ADGRE3: variants seen among roughly 807,000 people sequenced by gnomAD.
ADGRE3 encodes the protein EGF-like module receptor 3.
In ADGRE3, 88 loss-of-function variants were observed where a neutral mutation model predicts 80.1. The ratio of observed to expected loss-of-function variants is 1.10; its 90% CI spans 0.93 to 1.31. ADGRE3 has a LOEUF of 1.31. ADGRE3 is among the 40% of genes most tolerant of loss of function. The pLI is 0.00. For synonymous variants in ADGRE3, 281 were observed against 294.8 expected (o/e 0.95, Z 0.48); for missense variants, 715 against 776.5 (o/e 0.92, Z 0.94).
downstream of ADGRE3, among the ~76,000 whole-genome samples, chr19:14,616,863 C>T (rs188706819): frequency 6.7e-5 from 10 of 149,314 alleles, no homozygotes; most frequent in East Asian, 4.0e-4. Flanking sequence ...GGCGCAATCT[C>T]GGCTCACCGC....
chr19:14,651,899 G>A (rs922685278), intron 6 of ADGRE3, among the ~76,000 whole-genome samples: 4 of 151,966 alleles, frequency 2.6e-5, no homozygotes, highest in Non-Finnish European at 5.9e-5. Flanking sequence ...AAAATTATCT[G>A]GGCATGGTGG....
chr19:14,642,126 G>T (rs767432910), intron 9 of ADGRE3, among the ~76,000 whole-genome samples: 5 of 152,152 alleles, frequency 3.3e-5, no homozygotes, highest in Admixed American at 2.0e-4. Flanking sequence ...GTTGATGATT[G>T]CACGATATGA....
At chr19:14,620,534 ATTTTATATATATATT>A (rs1970540478) in intron 15 of ADGRE3, among the ~76,000 whole-genome samples, 1 of 17,904 alleles carries the variant, frequency 5.6e-5, no homozygotes, top group Admixed American at 9.9e-4. Context: ...GAATATATAT[ATTTTATATATATATT>A]ATATATATAT....
chr19:14,672,939 C>G (rs995707644), intron 1 of ADGRE3, among the ~76,000 whole-genome samples: 1 of 152,112 alleles, frequency 6.6e-6, no homozygotes. Context: ...TGACCCAATG[C>G]TCATATCATC....
intron 5 of ADGRE3, among the ~76,000 whole-genome samples, chr19:14,657,046 C>A (rs926725091): frequency 6.6e-6 from 1 of 152,144 alleles, no homozygotes; most frequent in African/African-American, 2.4e-5. Flanking sequence ...CAGGCATGCG[C>A]CCCCATGCCC....
chr19:14,629,266 T>G (rs1328671707), intron 14 of ADGRE3, among the ~76,000 whole-genome samples: 1 of 152,098 alleles, frequency 6.6e-6, no homozygotes, highest in Admixed American at 6.6e-5. Context: ...TGCTTGGGTG[T>G]TTTTTTCCAT....
At chr19:14,626,518 A>G (rs1336089970) in intron 14 of ADGRE3, among the ~76,000 whole-genome samples, 1 of 152,238 alleles carries the variant, frequency 6.6e-6, no homozygotes, top group Non-Finnish European at 1.5e-5. Flanking sequence ...GAAGTTGCAT[A>G]TAATTCCTCA....
At position 14,663,456 on chromosome 19, in the gene ADGRE3, C is replaced by T. The variant is rs148627169; in HGVS notation, c.161G>A (p.Gly54Glu). 9 of 1,612,656 alleles carry T rather than the reference C, an allele frequency of 5.6e-6. No individual in the cohort carries two copies. In the East Asian group the frequency reaches 2.0e-4, roughly 36 times the overall value. The change falls in exon 3 of 16, where the codon GGG becomes GAG. Residue 54 changes from glycine (G) to glutamate (E), a missense_variant. Physicochemically the swap from Gly to Glu is moderately conservative, Grantham distance 98. Transcript: ENST00000253673. ...TCNHGYTSGS[G>E]QKLFTFPLET... ...CAAGGGGAATGTGAATAGTTTCTGCCCAGATCCAGAAGTATATCCATGGTT... is the reference window on the plus strand; with the variant it reads ...CAAGGGGAATGTGAATAGTTTCTGCTCAGATCCAGAAGTATATCCATGGTT...
Position 14,633,712 on chromosome 19 carries a change from ATAAAAT to A in ADGRE3, c.1485-416_1485-411del, listed in dbSNP as rs1463626649. ...AGACTGAGACTCCGTCTCAAAAAAA[ATAAAAT>A]AAAATAAAATAAAATAAAATAAAAT... On this transcript the variant is annotated intron_variant, in intron 11 of 15. Transcript: ENST00000253673. 1.2e-3 allele frequency among the ~76,000 whole-genome samples: 127 copies of A among 104,378 alleles called. 8 individuals carry two copies. The highest frequency in any genetic ancestry group is 6.0e-3 in the African/African-American group (126 of 21,088). 68.5% of individuals were successfully genotyped at this position (104,378 alleles called of 152,430 possible). A position where few individuals can be genotyped will look rare whatever the true frequency, so the allele number is the denominator to read the frequency against.
At chr19:14,619,519 T>A in intron 15 of ADGRE3, 48 bp from the exon 16 acceptor site, 1 of 1,414,712 alleles carries the variant, frequency 7.1e-7, no homozygotes, top group Non-Finnish European at 9.9e-7. Context: ...TAAAATAAAG[T>A]AAACAGACAA....
In ADGRE3 at chr19:14,663,439, A is replaced by G; in HGVS notation, c.178T>C (p.Phe60Leu). The change falls in exon 3 of 16, where the codon TTC (phenylalanine) becomes CTC (leucine). Residue 60 changes from phenylalanine (F) to leucine (L), a missense_variant. Coordinates refer to ENST00000253673, the MANE Select transcript of ADGRE3 (RefSeq NM_032571.5). ...TSGSGQKLFT[F>L]PLETCNDINE... ...TTACCGTTACATGTCTCCAAGGGGA[A>G]TGTGAATAGTTTCTGCCCAGATCCA... The G allele has an allele frequency of 1.2e-6, 2 of 1,608,452 alleles. No homozygotes were observed. Among genetic ancestry groups the G allele is most frequent in the Non-Finnish European group, 1.7e-6 (2 of 1,176,150 alleles).
chr19:14,607,200 G>T, the ADGRE3 span: 1 of 449,488 alleles, frequency 2.2e-6, no homozygotes, highest in African/African-American at 2.1e-5. Flanking sequence ...AAGGAGTCAG[G>T]AGCTGTTTCT....
chr19:14,627,876 C>A (rs1970776468), intron 14 of ADGRE3, among the ~76,000 whole-genome samples: 1 of 151,984 alleles, frequency 6.6e-6, no homozygotes, highest in South Asian at 2.1e-4. Flanking sequence ...CGCCTGTAAT[C>A]CCAGCACTTT....
At chr19:14,617,351 TTTC>T (rs1229511151), downstream of ADGRE3, among the ~76,000 whole-genome samples, 1 of 92,792 alleles carries the variant, frequency 1.1e-5, no homozygotes, top group African/African-American at 4.1e-5. Context: ...CCTTTCTTTC[TTTC>T]TTTCTTTCTT....
At chr19:14,668,740 A>G in intron 2 of ADGRE3, 62 bp downstream of exon 2, 1 of 1,443,540 alleles carries the variant, frequency 6.9e-7, no homozygotes, top group Non-Finnish European at 9.7e-7. Flanking sequence ...ACTGGAGACC[A>G]TGAGTGGCTC....
intron 11 of ADGRE3, among the ~76,000 whole-genome samples, chr19:14,636,955 G>A (rs540592430): frequency 2.2e-4 from 33 of 152,122 alleles, no homozygotes; most frequent in Non-Finnish European, 4.3e-4. Flanking sequence ...TTAGCTGGGC[G>A]TGGTTGTGGG....
At chr19:14,632,093 C>A (rs535675715) in intron 13 of ADGRE3, among the ~76,000 whole-genome samples, 2 of 152,040 alleles carry the variant, frequency 1.3e-5, no homozygotes, top group African/African-American at 4.8e-5. Context: ...TCTTATTGAA[C>A]CTATCACACA....
chr19:14,641,124 C>G (rs543395627), intron 10 of ADGRE3, among the ~76,000 whole-genome samples: 15 of 152,232 alleles, frequency 9.9e-5, no homozygotes, highest in African/African-American at 3.6e-4. Flanking sequence ...ATTCATCATT[C>G]TTTGTCAAAA....
intron 1 of ADGRE3, among the ~76,000 whole-genome samples, chr19:14,669,206 A>G (rs1475965203): frequency 6.6e-6 from 1 of 152,214 alleles, no homozygotes; most frequent in Non-Finnish European, 1.5e-5. Context: ...TATGCCATAT[A>G]TGCACCATGG....
Sources: gnomAD v4.1 joint callset for allele counts (sites outside exome capture counted in the v4.1 genomes callset) on GRCh38, gnomAD v4.1.1 for gene constraint, MANE v1.5 for transcripts, NCBI Gene and HGNC (gene_info 2026-07-23, HGNC 2026-07-21) for gene names.